The following PDSS2 variants were observed in gnomAD, a reference collection of about 807,000 sequenced individuals.
The protein encoded by PDSS2 is decaprenyl diphosphate synthase subunit 2.
Under a neutral mutation model 44.5 loss-of-function variants are expected in PDSS2, and 31 were observed. The observed-to-expected ratio is 0.70, with a 90% CI of 0.52 to 0.94. The LOEUF is 0.94. Ranked by LOEUF, PDSS2 falls within the 40% of genes least tolerant of loss-of-function variation. The pLI is 0.00. For synonymous variants in PDSS2, 157 were observed against 180.3 expected (o/e 0.87, Z 1.03); for missense variants, 452 against 482.2 (o/e 0.94, Z 0.59).
intron 4 of PDSS2, among the ~76,000 whole-genome samples, chr6:107,231,550 A>G (rs917736567): frequency 1.2e-4 from 18 of 152,116 alleles, no homozygotes; most frequent in African/African-American, 4.1e-4. Context: ...AATTTATCCT[A>G]TTCACAGCTT....
intron 1 of PDSS2, among the ~76,000 whole-genome samples, chr6:107,453,425 T>C (rs1781937956): frequency 6.6e-6 from 1 of 152,084 alleles, no homozygotes; most frequent in Non-Finnish European, 1.5e-5. Context: ...TTGCCTATGA[T>C]GTTCAATTGT....
intron 5 of PDSS2, among the ~76,000 whole-genome samples, chr6:107,211,793 A>G (rs1773226700): frequency 1.3e-5 from 2 of 151,976 alleles, no homozygotes; most frequent in African/African-American, 4.8e-5. Context: ...ATATTCTTCC[A>G]TTATGTGAAT....
intron 6 of PDSS2, among the ~76,000 whole-genome samples, chr6:107,198,772 A>G (rs1374087951): frequency 6.6e-6 from 1 of 150,916 alleles, no homozygotes; most frequent in African/African-American, 2.4e-5. Context: ...CTTGGGCAAC[A>G]TGGTGAGAAA....
At chr6:107,181,889 C>CAA (rs35752637) in intron 7 of PDSS2, among the ~76,000 whole-genome samples, 4 of 111,362 alleles carry the variant, frequency 3.6e-5, no homozygotes, top group Non-Finnish European at 6.0e-5. Flanking sequence ...GACTCTGTCT[C>CAA]AAAAAAAAAA....
At chr6:107,290,163 C>T (rs1458195752) in intron 2 of PDSS2, among the ~76,000 whole-genome samples, 3 of 152,144 alleles carry the variant, frequency 2.0e-5, no homozygotes, top group African/African-American at 7.2e-5. Flanking sequence ...CTTTACACCA[C>T]GATTTGCCAA....
rs559447248 is a variant in PDSS2, at chr6:107,306,483, A to C, written c.431+27715T>G. On this transcript the variant is annotated intron_variant, in intron 2 of 7. Coordinates refer to ENST00000369037, the MANE Select transcript of PDSS2 (RefSeq NM_020381.4). ...GTCCAATCAAACCTCTTTCCTTTGT[A>C]AATTGCCCAGACTTGGGTATGTCTT... Among the ~76,000 whole-genome samples, 3 of 152,316 alleles carry C rather than the reference A, an allele frequency of 2.0e-5. No individual in the cohort carries two copies. The East Asian group carries it at 5.8e-4, about 29-fold the overall frequency.
chr6:107,185,352 A>G (rs962074422), intron 7 of PDSS2, among the ~76,000 whole-genome samples: 5 of 152,184 alleles, frequency 3.3e-5, no homozygotes, highest in Non-Finnish European at 7.4e-5. Flanking sequence ...GTTTTGACCA[A>G]CTGATGGTTA....
chr6:107,362,060 C>A (rs191334603), intron 1 of PDSS2, among the ~76,000 whole-genome samples: 1 of 152,310 alleles, frequency 6.6e-6, no homozygotes, highest in East Asian at 1.9e-4. Flanking sequence ...GCATCACAAG[C>A]CTGAATAAGC....
Position 107,306,754 on chromosome 6 carries a change from A to C in PDSS2, c.431+27444T>G, listed in dbSNP as rs193202550. ...TAAAAGTCAATTAACACTGACTATAAGGTACAAAACAAAGGTTATCAGAGA... is the reference window on the plus strand; with the variant it reads ...TAAAAGTCAATTAACACTGACTATACGGTACAAAACAAAGGTTATCAGAGA... On this transcript the variant is annotated intron_variant, in intron 2 of 7. Transcript: ENST00000369037. Among the ~76,000 whole-genome samples, 14 of 152,350 alleles carry C rather than the reference A, an allele frequency of 9.2e-5. 1 individual carries two copies. The East Asian group carries it at 2.5e-3, about 27-fold the overall frequency.
rs753476156 is a variant in PDSS2 at position 107,212,148 on chromosome 6, C to T, written c.837G>A (p.Met279Ile). The T allele has an allele frequency of 1.2e-6, 2 of 1,614,074 alleles. No individual in the cohort carries two copies. The highest frequency in any genetic ancestry group is 2.7e-5 in the African/African-American group (2 of 75,038). ...CCATGTGCTTCCCATACTGAAATGC[C>T]ATATTCTGAACCTCAGCATCATGCT... Reference protein sequence around the residue: ...LAKHDAEVQNMAFQYGKHMAM... With the variant: ...LAKHDAEVQNIAFQYGKHMAM... Residue 279 changes from methionine to isoleucine, a missense_variant, in exon 5 of 8, where the codon ATG becomes ATA. Coordinates refer to ENST00000369037, the MANE Select transcript of PDSS2 (RefSeq NM_020381.4).
intron 4 of PDSS2, among the ~76,000 whole-genome samples, chr6:107,239,634 C>CTT (rs1177940710): frequency 0.038 from 2,925 of 77,138 alleles, 97 homozygotes; most frequent in Middle Eastern, 0.054. Context: ...TGTACTCTAC[C>CTT]TTTTTTTTTT....
chr6:107,429,715 T>C (rs1781110947), intron 1 of PDSS2, among the ~76,000 whole-genome samples: 1 of 151,018 alleles, frequency 6.6e-6, no homozygotes, highest in African/African-American at 2.4e-5. Context: ...AGAAACCCTG[T>C]CTCTACTAAA....
chr6:107,328,001 T>C (rs1243087050), intron 2 of PDSS2, among the ~76,000 whole-genome samples: 1 of 152,200 alleles, frequency 6.6e-6, no homozygotes, highest in East Asian at 1.9e-4. Context: ...ACACTTATGT[T>C]ATACAGAAGA....
At chr6:107,299,810 C>T (rs1392626119) in intron 2 of PDSS2, among the ~76,000 whole-genome samples, 1 of 152,138 alleles carries the variant, frequency 6.6e-6, no homozygotes, top group Non-Finnish European at 1.5e-5. Flanking sequence ...ATAATTACTC[C>T]CAGTTGTCCT....
At chr6:107,356,167 G>A (rs1196063718) in intron 1 of PDSS2, among the ~76,000 whole-genome samples, 1 of 152,160 alleles carries the variant, frequency 6.6e-6, no homozygotes, top group African/African-American at 2.4e-5. Flanking sequence ...TTAGCTTTTG[G>A]CCAGATTACC....
At chr6:107,233,855 A>G (rs962209173) in intron 4 of PDSS2, among the ~76,000 whole-genome samples, 2 of 151,992 alleles carry the variant, frequency 1.3e-5, no homozygotes, top group African/African-American at 4.8e-5. Flanking sequence ...TAAAGACTCC[A>G]ATGAGAAACA....
chr6:107,353,783 T>C (rs1778504358), intron 1 of PDSS2, among the ~76,000 whole-genome samples: 1 of 152,106 alleles, frequency 6.6e-6, no homozygotes. Flanking sequence ...TAGATATAAA[T>C]GAATTTTAAC....
chr6:107,338,130 T>C (rs1777963443), intron 1 of PDSS2, among the ~76,000 whole-genome samples: 2 of 152,180 alleles, frequency 1.3e-5, no homozygotes, highest in South Asian at 4.1e-4. Context: ...GCTCAAAATT[T>C]AGCTCACAAC....
At chr6:107,181,313 C>T (rs1771968519) in intron 7 of PDSS2, among the ~76,000 whole-genome samples, 1 of 150,400 alleles carries the variant, frequency 6.6e-6, no homozygotes, top group Non-Finnish European at 1.5e-5. Context: ...GGCGGGTAAT[C>T]ACCTCCCAAA....
Sources: allele counts gnomAD v4.1 joint callset (sites outside exome capture counted in the v4.1 genomes callset), GRCh38; gene constraint gnomAD v4.1.1; transcripts MANE v1.5; gene names NCBI Gene and HGNC (gene_info 2026-07-23, HGNC 2026-07-21).